The following C2orf66 variants were observed in gnomAD, a reference collection of about 807,000 sequenced individuals.
C2orf66 encodes chromosome 2 open reading frame 66.
A neutral mutation model predicts 7.0 loss-of-function variants in C2orf66; 6 were observed. The observed-to-expected ratio is 0.86, with a 90% CI of 0.47 to 1.69. The LOEUF is 1.69. C2orf66 is among the 40% of genes most tolerant of loss of function. The pLI, the probability that C2orf66 is intolerant of heterozygous loss-of-function variation, is 0.01. For synonymous variants in C2orf66, 38 were observed against 43.8 expected (o/e 0.87, Z 0.52); for missense variants, 107 against 112.0 (o/e 0.96, Z 0.20).
Position 196,809,210 on chromosome 2 carries a change from T to C in C2orf66, c.123+4A>G, listed in dbSNP as rs1016872048. On this transcript the variant is annotated splice_donor_region_variant and intron_variant, in intron 1 of 2. Coordinates refer to ENST00000342506, the MANE Select transcript of C2orf66 (RefSeq NM_213608.3). Reference sequence around the variant, plus strand: ...TGAAACCCAGGCCCCAAGTGTGTTCTTACCAGATCTCTGTTTCTGGGGTTG... The same window carrying C: ...TGAAACCCAGGCCCCAAGTGTGTTCCTACCAGATCTCTGTTTCTGGGGTTG... 4.3e-6 allele frequency: 7 copies of C among 1,613,696 alleles called. No homozygotes were observed. The highest frequency in any genetic ancestry group is 5.9e-6 in the Non-Finnish European group (7 of 1,179,754).
chr2:196,830,635 CG>C, the C2orf66 span, among the ~76,000 whole-genome samples: 2 of 152,150 alleles, frequency 1.3e-5, no homozygotes, highest in Non-Finnish European at 2.9e-5. Flanking sequence ...TGGGAACTTG[CG>C]TAAGCGTGAA....
Position 196,804,580 on chromosome 2 carries a change from A to G in C2orf66, c.*848T>C, listed in dbSNP as rs1281585886. Among the ~76,000 whole-genome samples, 1 of 152,238 alleles carries G rather than the reference A, an allele frequency of 6.6e-6. No individual in the cohort carries two copies. The highest frequency in any genetic ancestry group is 1.5e-5 in the Non-Finnish European group (1 of 68,034). ...CACAGAGAAGATGATGCAGCTATCT[A>G]TAAAGATACAGGAAAAGCAGCTATT... On this transcript the variant is annotated 3_prime_UTR_variant, in exon 3 of 3. Coordinates refer to ENST00000342506, the MANE Select transcript of C2orf66 (RefSeq NM_213608.3).
the C2orf66 span, among the ~76,000 whole-genome samples, chr2:196,820,345 G>A: frequency 5.1e-4 from 78 of 152,254 alleles, no homozygotes; most frequent in East Asian, 9.7e-3. Context: ...AGGCCCATAC[G>A]TCATAGGAGA....
the C2orf66 span, among the ~76,000 whole-genome samples, chr2:196,818,286 C>A: frequency 2.0e-5 from 3 of 152,094 alleles, no homozygotes; most frequent in Non-Finnish European, 4.4e-5. Context: ...GAAGCCTGAA[C>A]CCATAGAGAA....
chr2:196,823,040 C>T, the C2orf66 span, among the ~76,000 whole-genome samples: 91 of 145,158 alleles, frequency 6.3e-4, no homozygotes, highest in Non-Finnish European at 3.8e-4. Flanking sequence ...AAAAGACTAA[C>T]GGGGATTATA....
chr2:196,830,245 G>A, the C2orf66 span, among the ~76,000 whole-genome samples: 1 of 152,154 alleles, frequency 6.6e-6, no homozygotes, highest in East Asian at 1.9e-4. Context: ...TGGGGCACCT[G>A]TTAAAAAAAT....
the C2orf66 span, among the ~76,000 whole-genome samples, chr2:196,814,529 A>C: frequency 1.3e-5 from 2 of 152,232 alleles, no homozygotes; most frequent in East Asian, 3.9e-4. Flanking sequence ...TGTATAACAA[A>C]CCTGCATGTT....
chr2:196,821,124 G>C, the C2orf66 span, among the ~76,000 whole-genome samples: 1 of 152,154 alleles, frequency 6.6e-6, no homozygotes, highest in Non-Finnish European at 1.5e-5. Context: ...TTGAGGGCTG[G>C]TATGATGTGG....
the C2orf66 span, among the ~76,000 whole-genome samples, chr2:196,815,005 C>A: frequency 4.1e-3 from 628 of 152,240 alleles, 4 homozygotes; most frequent in African/African-American, 0.014. Flanking sequence ...TACTCTGCCA[C>A]CCAGGCTGGA....
the C2orf66 span, among the ~76,000 whole-genome samples, chr2:196,822,592 T>C: frequency 6.2e-4 from 95 of 152,214 alleles, no homozygotes; most frequent in Non-Finnish European, 6.0e-4. Context: ...CATTCCTTTA[T>C]TGTACATAAA....
the C2orf66 span, among the ~76,000 whole-genome samples, chr2:196,814,602 G>A: frequency 1.3e-5 from 2 of 151,994 alleles, no homozygotes; most frequent in South Asian, 4.1e-4. Flanking sequence ...AATTTTTACT[G>A]AGATTATAGT....
the C2orf66 span, among the ~76,000 whole-genome samples, chr2:196,815,824 A>C: frequency 6.6e-6 from 1 of 152,326 alleles, no homozygotes; most frequent in East Asian, 1.9e-4. Context: ...TTAAGGAAAA[A>C]AACCCAGAGC....
chr2:196,826,059 A>G, the C2orf66 span, among the ~76,000 whole-genome samples: 1 of 152,236 alleles, frequency 6.6e-6, no homozygotes. Context: ...TAGGTTGAAT[A>G]TAATACCAGT....
chr2:196,831,375 G>A, the C2orf66 span, among the ~76,000 whole-genome samples: 1 of 152,166 alleles, frequency 6.6e-6, no homozygotes, highest in Non-Finnish European at 1.5e-5. Flanking sequence ...TGCATGAGGT[G>A]GGCTGGTTCC....
chr2:196,816,872 A>C, the C2orf66 span, among the ~76,000 whole-genome samples: 2 of 152,332 alleles, frequency 1.3e-5, no homozygotes, highest in Non-Finnish European at 2.9e-5. Context: ...TCTATTTTGC[A>C]TAAGTGTTGG....
the C2orf66 span, among the ~76,000 whole-genome samples, chr2:196,828,252 A>T: frequency 2.6e-5 from 4 of 151,200 alleles, no homozygotes; most frequent in South Asian, 6.3e-4. Flanking sequence ...ACACACACAC[A>T]CACACACACA....
At chr2:196,829,637 C>T in the C2orf66 span, among the ~76,000 whole-genome samples, 4 of 151,280 alleles carry the variant, frequency 2.6e-5, no homozygotes, top group East Asian at 5.9e-4. Context: ...GTGGCTCACA[C>T]CTGTAATCCC....
the C2orf66 span, among the ~76,000 whole-genome samples, chr2:196,824,643 TCTC>T: frequency 2.0e-5 from 3 of 152,146 alleles, no homozygotes; most frequent in African/African-American, 4.8e-5. Context: ...TAATACTCAT[TCTC>T]CATACCCTTT....
At chr2:196,828,323 T>A in the C2orf66 span, among the ~76,000 whole-genome samples, 2 of 151,710 alleles carry the variant, frequency 1.3e-5, no homozygotes, top group Middle Eastern at 3.4e-3. Context: ...TTAAAAGCTG[T>A]TTAAAATTCA....
Sources: allele counts gnomAD v4.1 joint callset (sites outside exome capture counted in the v4.1 genomes callset), GRCh38; gene constraint gnomAD v4.1.1; transcripts MANE v1.5; gene names NCBI Gene and HGNC (gene_info 2026-07-23, HGNC 2026-07-21).